The following DIPK1A variants were observed in gnomAD, a reference collection of about 807,000 sequenced individuals.
DIPK1A encodes the protein family with sequence similarity 69 member A.
DIPK1A carries 27 observed loss-of-function variants against 40.8 expected under a neutral mutation model. The observed-to-expected ratio is 0.66, with a 90% confidence interval of 0.49 to 0.91. The LOEUF is 0.91. DIPK1A is among the 40% of genes least tolerant of loss of function. DIPK1A has a pLI of 0.00. For synonymous variants in DIPK1A, 166 were observed against 171.3 expected (o/e 0.97, Z 0.24); for missense variants, 412 against 505.7 (o/e 0.81, Z 1.78).
intron 4 of DIPK1A, chr1:92,836,330 T>A (rs1687123514): frequency 6.2e-7 from 1 of 1,614,070 alleles, no homozygotes; most frequent in South Asian, 1.1e-5. Flanking sequence ...GAACTACCAC[T>A]GGCAATAAAG....
intron 1 of DIPK1A, among the ~76,000 whole-genome samples, chr1:92,890,061 T>C (rs980839761): frequency 6.6e-6 from 1 of 152,226 alleles, no homozygotes; most frequent in Non-Finnish European, 1.5e-5. Flanking sequence ...TATGTATTTA[T>C]TTATTTATTG....
intron 1 of DIPK1A, among the ~76,000 whole-genome samples, chr1:92,892,509 A>T (rs1648940380): frequency 6.6e-6 from 1 of 152,092 alleles, no homozygotes. Flanking sequence ...GTACGTCACC[A>T]TCATCAAAGA....
intron 4 of DIPK1A, among the ~76,000 whole-genome samples, chr1:92,834,358 G>T (rs938972850): frequency 3.3e-5 from 5 of 152,208 alleles, no homozygotes; most frequent in Admixed American, 2.0e-4. Flanking sequence ...TGTACTAAGA[G>T]CATTCTCACT....
chr1:92,891,606 G>A (rs1027972257), intron 1 of DIPK1A, among the ~76,000 whole-genome samples: 3 of 152,146 alleles, frequency 2.0e-5, no homozygotes, highest in East Asian at 3.9e-4. Flanking sequence ...GGTGATTTCT[G>A]CATTTCCAAC....
chr1:92,938,370 G>A lies in DIPK1A; in HGVS notation c.54+23006C>T, dbSNP rs1651026689. 1.3e-5 allele frequency among the ~76,000 whole-genome samples: 2 copies of A among 151,466 alleles called. 1 individual carries two copies. The highest frequency in any genetic ancestry group is 4.2e-4 in the South Asian group (2 of 4,802). ...CTAGTCTGGAGGCTGAGGTGAGGCT[G>A]AGGTGGGAGGATCACCTAAGCCCAG... On this transcript the variant is annotated intron_variant, in intron 1 of 4. Transcript: ENST00000370310.
chr1:92,839,411 A>G (rs1371960067), downstream of DIPK1A, among the ~76,000 whole-genome samples: 1 of 152,142 alleles, frequency 6.6e-6, no homozygotes, highest in Non-Finnish European at 1.5e-5. Flanking sequence ...TTTTCAGGAA[A>G]ACTTCTGACA....
chr1:92,875,229 C>T (rs970791447), intron 2 of DIPK1A, among the ~76,000 whole-genome samples: 2 of 152,070 alleles, frequency 1.3e-5, no homozygotes, highest in African/African-American at 4.8e-5. Context: ...ATTTTCTTTC[C>T]TGATCCACTG....
chr1:92,890,300 CCTTT>C (rs976466276), intron 1 of DIPK1A, among the ~76,000 whole-genome samples: 2 of 152,048 alleles, frequency 1.3e-5, no homozygotes, highest in Non-Finnish European at 2.9e-5. Context: ...ACTCGAATGC[CCTTT>C]CTTTCTTTCT....
intron 1 of DIPK1A, chr1:92,931,859 G>A (rs181345389): frequency 9.1e-4 from 159 of 175,146 alleles, no homozygotes; most frequent in African/African-American, 3.5e-3. Context: ...GGAGTGAACC[G>A]TGTTAGCCAA....
At chr1:92,832,815 A>C in exon 5 of DIPK1A, 1 of 580,904 alleles carries the variant, frequency 1.7e-6, no homozygotes, top group Non-Finnish European at 3.1e-6. Flanking sequence ...TAGTGGGGGA[A>C]TTACTGCTGA....
At chr1:92,897,901 C>T (rs1342865804) in intron 1 of DIPK1A, among the ~76,000 whole-genome samples, 2 of 152,116 alleles carry the variant, frequency 1.3e-5, no homozygotes, top group African/African-American at 4.8e-5. Flanking sequence ...GAGTTCAAGA[C>T]CAGCCTGGCT....
intron 2 of DIPK1A, among the ~76,000 whole-genome samples, chr1:92,856,837 G>C (rs1443150002): frequency 6.6e-6 from 1 of 152,192 alleles, no homozygotes; most frequent in Admixed American, 6.5e-5. Flanking sequence ...TGCCATCTAG[G>C]TGCAGTACTG....
intron 4 of DIPK1A, among the ~76,000 whole-genome samples, chr1:92,835,747 C>G (rs937361945): frequency 6.6e-6 from 1 of 150,804 alleles, no homozygotes; most frequent in Non-Finnish European, 1.5e-5. Context: ...AACATTTTTC[C>G]TGGTAGATGA....
At chr1:92,870,060 T>C (rs968383051) in intron 2 of DIPK1A, among the ~76,000 whole-genome samples, 21 of 133,640 alleles carry the variant, frequency 1.6e-4, no homozygotes, top group Admixed American at 1.2e-3. Context: ...ATAAAAAACT[T>C]ACATGAATTA....
At chr1:92,851,759 T>C (rs1687834695) in intron 2 of DIPK1A, among the ~76,000 whole-genome samples, 1 of 152,036 alleles carries the variant, frequency 6.6e-6, no homozygotes, top group South Asian at 2.1e-4. Context: ...CACCAGAGCC[T>C]ACAAGTATGC....
chr1:92,957,901 C>T (rs1651915040), intron 1 of DIPK1A, among the ~76,000 whole-genome samples: 1 of 152,190 alleles, frequency 6.6e-6, no homozygotes, highest in Non-Finnish European at 1.5e-5. Flanking sequence ...CCATTTCCCC[C>T]CAGGCAACCA....
intron 1 of DIPK1A, among the ~76,000 whole-genome samples, chr1:92,942,063 G>A (rs1438478782): frequency 6.6e-6 from 1 of 151,904 alleles, no homozygotes; most frequent in Non-Finnish European, 1.5e-5. Context: ...ATGGACATGA[G>A]CAGTAAATAC....
At chr1:92,939,600 A>G (rs2100888151) in intron 1 of DIPK1A, among the ~76,000 whole-genome samples, 1 of 152,232 alleles carries the variant, frequency 6.6e-6, no homozygotes, top group East Asian at 1.9e-4. Flanking sequence ...CCTTCCACCC[A>G]ATGATACCCC....
chr1:92,876,586 A>G, intron 1 of DIPK1A, 156 bp from the exon 2 acceptor site: 1 of 702,666 alleles, frequency 1.4e-6, no homozygotes, highest in Non-Finnish European at 2.3e-6. Context: ...CACTGAGTCC[A>G]AACAGCACTG....
Sources: gnomAD v4.1 joint callset for allele counts (sites outside exome capture counted in the v4.1 genomes callset) on GRCh38, gnomAD v4.1.1 for gene constraint, MANE v1.5 for transcripts, NCBI Gene and HGNC (gene_info 2026-07-23, HGNC 2026-07-21) for gene names.